Variants in CFHR3 observed in about 807,000 individuals in gnomAD.
CFHR3 encodes the protein complement factor H-related protein 3.
In CFHR3, 22 loss-of-function variants were observed where a neutral mutation model predicts 36.0. That is an observed-to-expected ratio of 0.61 (90% CI 0.44 to 0.87). The LOEUF is 0.87. Ranked by LOEUF, CFHR3 falls within the 40% of genes least tolerant of loss-of-function variation. CFHR3 has a pLI of 0.00. For synonymous variants in CFHR3, 97 were observed against 137.4 expected, an observed-to-expected ratio of 0.71 and a Z score of 2.06; for missense variants, 276 against 401.3, an observed-to-expected ratio of 0.69 and a Z score of 2.67.
In CFHR3 at chr1:196,793,656, T is replaced by C. The variant is rs1654501446; in HGVS notation, c.*143T>C. On this transcript the variant is annotated 3_prime_UTR_variant, in exon 6 of 6. Coordinates refer to ENST00000367425, the MANE Select transcript of CFHR3 (RefSeq NM_021023.6). ...AGAAAATTAATATAATAGTTTCAATTTGCAACTTAATATATTCTCAAAAAT... is the reference window on the plus strand; with the variant it reads ...AGAAAATTAATATAATAGTTTCAATCTGCAACTTAATATATTCTCAAAAAT... The C allele has an allele frequency of 2.8e-5, 22 of 794,988 alleles. 4 individuals carry two copies. Among genetic ancestry groups the C allele is most frequent in the Middle Eastern group, 3.0e-4 (1 of 3,374 alleles). 49.2% of individuals were successfully genotyped at this position (794,988 alleles called of 1,614,324 possible). A position where few individuals can be genotyped will look rare whatever the true frequency, so the allele number is the denominator to read the frequency against.
At position 196,788,221 on chromosome 1, in the gene CFHR3, T is replaced by C; in HGVS notation, c.436T>C (p.Cys146Arg). ...CTTGACTTTTTCTATTTTAGGAACA[T>C]GCTCAAAATCAGATATAGAAATTGA... ...PTPRCIRVRT[C>R]SKSDIEIENG... is the part of the protein sequence containing the mutation. The change falls in exon 4 of 6, where the codon TGC (cysteine) becomes CGC (arginine). Residue 146 changes from cysteine to arginine, a missense_variant. Around this residue, in one of 3 missense-constraint regions of CFHR3, gnomAD observed 178 missense variants for 247.2 expected, o/e 0.72. Transcript: ENST00000367425. The C allele has an allele frequency of 6.2e-6, 9 of 1,453,562 alleles. 1 individual carries two copies. The highest frequency in any genetic ancestry group is 8.3e-6 in the Non-Finnish European group (9 of 1,083,064). The allele number at this position is 1,453,562 out of a possible 1,614,324, so 90.0% of individuals were successfully genotyped here.
At chr1:196,789,027 C>T (rs2124861198) in intron 4 of CFHR3, 1 of 1,256,794 alleles carries the variant, frequency 8.0e-7, no homozygotes, top group Non-Finnish European at 1.0e-6. Context: ...CGTGCTCGAC[C>T]TTTACTTAGT....
chr1:196,793,126 A>T (rs1231884791), intron 5 of CFHR3, among the ~76,000 whole-genome samples, 191 bp from the exon 6 acceptor site: 1 of 134,840 alleles, frequency 7.4e-6, no homozygotes, highest in Non-Finnish European at 1.6e-5. Flanking sequence ...CTCTGCTGTG[A>T]TGTTGGGGAA....
chr1:196,787,435 T>G (rs1296188204), intron 3 of CFHR3, among the ~76,000 whole-genome samples: 2 of 137,294 alleles, frequency 1.5e-5, no homozygotes, highest in Non-Finnish European at 3.1e-5. Context: ...ATCTTTAACA[T>G]GATTTCTTTT....
intron 2 of CFHR3, 32 bp downstream of exon 2, chr1:196,779,388 T>C (rs749692338): frequency 1.7e-5 from 23 of 1,352,596 alleles, no homozygotes; most frequent in Non-Finnish European, 2.4e-5. Flanking sequence ...TACACATGTA[T>C]AAAACTTTAA....
intron 3 of CFHR3, among the ~76,000 whole-genome samples, chr1:196,782,854 G>A (rs1237636355): frequency 7.3e-6 from 1 of 137,238 alleles, no homozygotes; most frequent in Non-Finnish European, 1.5e-5. Context: ...AATAGGAGTG[G>A]TGAGAGAGGG....
chr1:196,775,564 A>T (rs1381162558), intron 1 of CFHR3, among the ~76,000 whole-genome samples: 1 of 137,306 alleles, frequency 7.3e-6, no homozygotes, highest in East Asian at 2.0e-4. Context: ...TTCTGAGTTC[A>T]CTAGCAAATG....
intron 3 of CFHR3, among the ~76,000 whole-genome samples, chr1:196,781,270 A>C (rs528606): frequency 0.28 from 36,929 of 133,286 alleles, 10,237 homozygotes; most frequent in East Asian, 0.5. Flanking sequence ...ATACGTGTGC[A>C]TGTGTCTTTA....
At position 196,779,955 on chromosome 1, in the gene CFHR3, C is replaced by G; in HGVS notation, c.412C>G (p.Pro138Ala). 6.5e-7 allele frequency: 1 copy of G among 1,533,236 alleles called. No individual in the cohort carries two copies. Among genetic ancestry groups the G allele is most frequent in the Non-Finnish European group, 8.8e-7 (1 of 1,133,240 alleles). 95.0% of individuals were successfully genotyped at this position (1,533,236 alleles called of 1,614,324 possible). The change falls in exon 3 of 6, where the codon CCC becomes GCC. Residue 138 changes from proline (P) to alanine (A), a missense_variant. By Grantham distance (27) the Pro-to-Ala change is conservative. Around this residue, in one of 3 missense-constraint regions of CFHR3, gnomAD observed 178 missense variants for 247.2 expected, o/e 0.72. Coordinates refer to ENST00000367425, the MANE Select transcript of CFHR3 (RefSeq NM_021023.6). ...TCTEKGWSPT[P>A]RCIRVRTCSK... ...TACGGAGAAAGGCTGGTCTCCTACT[C>G]CCAGATGCATCCGTGTCAGTAAGTA... is the stretch of plus-strand genomic sequence containing the variant.
chr1:196,776,848 T>TAC (rs1400702985), intron 1 of CFHR3, among the ~76,000 whole-genome samples: 1 of 135,858 alleles, frequency 7.4e-6, no homozygotes, highest in Non-Finnish European at 1.6e-5. Flanking sequence ...TATATATATA[T>TAC]ATACCCACCA....
Position 196,780,089 on chromosome 1 carries a change from C to T in CFHR3, c.430+116C>T, listed in dbSNP as rs1653885975. 4 of 1,319,812 alleles carry T rather than the reference C, an allele frequency of 3.0e-6. 2 individuals carry two copies. Among genetic ancestry groups the T allele is most frequent in the African/African-American group, 3.7e-5 (2 of 54,588 alleles). The allele number at this position is 1,319,812 out of a possible 1,614,324, so 81.8% of individuals were successfully genotyped here. A position where few individuals can be genotyped will look rare whatever the true frequency, so the allele number is the denominator to read the frequency against. On this transcript the variant is annotated intron_variant, in intron 3 of 5. Transcript: ENST00000367425. ...AAATGTTTTTGTCAACTTGTTTTGC[C>T]AACGGACCTATTTAGTTTTACTTTT...
intron 4 of CFHR3, chr1:196,789,359 T>C: frequency 1.1e-6 from 1 of 902,678 alleles, no homozygotes; most frequent in Non-Finnish European, 1.3e-6. Flanking sequence ...TTTTGGGGGT[T>C]ATATGAATTC....
chr1:196,782,590 T>A (rs1485925052), intron 3 of CFHR3, among the ~76,000 whole-genome samples: 2 of 136,994 alleles, frequency 1.5e-5, no homozygotes. Flanking sequence ...TCACTCATGA[T>A]TTGGCTCTCT....
At chr1:196,781,689 A>T (rs1653955922) in intron 3 of CFHR3, among the ~76,000 whole-genome samples, 1 of 134,736 alleles carries the variant, frequency 7.4e-6, no homozygotes, top group Non-Finnish European at 1.6e-5. Flanking sequence ...TTCATTGTAG[A>T]TTCTGGATAT....
chr1:196,779,086 A>T, intron 1 of CFHR3, 76 bp from the exon 2 acceptor site: 7 of 1,122,010 alleles, frequency 6.2e-6, no homozygotes, highest in Non-Finnish European at 6.3e-6. Flanking sequence ...AGAGAAGGTG[A>T]TATCAAAATT....
intron 3 of CFHR3, among the ~76,000 whole-genome samples, chr1:196,780,991 C>T (rs1370876096): frequency 9.3e-6 from 1 of 107,832 alleles, no homozygotes; most frequent in Non-Finnish European, 1.8e-5. Context: ...GTGATGTTCC[C>T]CTTCCTGTGT....
chr1:196,775,470 G>A (rs1332866093), intron 1 of CFHR3, among the ~76,000 whole-genome samples: 3 of 136,476 alleles, frequency 2.2e-5, no homozygotes, highest in Non-Finnish European at 4.7e-5. Flanking sequence ...AACTTACTAC[G>A]TCAACAAAAT....
At chr1:196,777,069 A>T (rs1296674472) in intron 1 of CFHR3, among the ~76,000 whole-genome samples, 1 of 136,160 alleles carries the variant, frequency 7.3e-6, no homozygotes, top group African/African-American at 3.1e-5. Flanking sequence ...ATTTTTTTTT[A>T]ATGGTGGTTG....
chr1:196,777,787 G>A (rs1330362464), intron 1 of CFHR3, among the ~76,000 whole-genome samples: 1 of 134,166 alleles, frequency 7.5e-6, no homozygotes, highest in Non-Finnish European at 1.6e-5. Context: ...AGGAGTTGGA[G>A]ACCAGCCCGG....
Sources: gnomAD v4.1 joint callset for allele counts (sites outside exome capture counted in the v4.1 genomes callset) on GRCh38, gnomAD v4.1.1 for gene constraint, gnomAD v4.1.1 regional missense constraint, MANE v1.5 for transcripts, NCBI Gene and HGNC (gene_info 2026-07-23, HGNC 2026-07-21) for gene names.